The following INPP5F variants were observed in gnomAD, a reference collection of about 807,000 sequenced individuals.
INPP5F encodes the protein phosphatidylinositide 4-phosphatase SAC2.
Under a neutral mutation model 137.2 loss-of-function variants are expected in INPP5F, and 97 were observed. That is an observed-to-expected ratio of 0.71 (90% CI 0.60 to 0.84). The LOEUF is 0.84. Among genes scored for constraint, INPP5F ranks in the 40% least tolerant of loss-of-function variants. INPP5F has a pLI of 0.00. For synonymous variants in INPP5F, 504 were observed against 476.9 expected (o/e 1.06, Z -0.74); for missense variants, 1,271 against 1,371.9 (o/e 0.93, Z 1.16).
At chr10:119,785,535 C>CGAGAGAGAGA (rs59804262) in intron 3 of INPP5F, among the ~76,000 whole-genome samples, 7,684 of 93,488 alleles carry the variant, frequency 0.082, 902 homozygotes, top group Middle Eastern at 0.13. Context: ...GTGATCCGCT[C>CGAGAGAGAGA]GAGAGAGAGA....
Position 119,822,496 on chromosome 10 carries a change from T to C in INPP5F, c.2024T>C (p.Ile675Thr). Residue 675 changes from isoleucine (I) to threonine (T), a missense_variant, in exon 17 of 20, where the codon ATT (isoleucine) becomes ACT (threonine). Around this residue, in one of 6 missense-constraint regions of INPP5F, gnomAD observed 593 missense variants for 712.4 expected, o/e 0.83. Transcript: ENST00000650623. The part of the protein sequence containing the change: ...QRLSLENLEK[I>T]EIGPEPTLFG... ...CTAAGTCTAGAAAACCTGGAAAAAA[T>C]TGAAATAGGTAAGTTTTAACATACT... The C allele has an allele frequency of 6.8e-7, 1 of 1,476,596 alleles. No homozygotes were observed. Among genetic ancestry groups the C allele is most frequent in the Non-Finnish European group, 9.3e-7 (1 of 1,072,340 alleles). 91.5% of individuals were successfully genotyped at this position (1,476,596 alleles called of 1,614,324 possible). A position where few individuals can be genotyped will look rare whatever the true frequency, so the allele number is the denominator to read the frequency against.
At chr10:119,793,441 G>C (rs1472724054) in intron 6 of INPP5F, 1 of 148,334 alleles carries the variant, frequency 6.7e-6, no homozygotes. Context: ...AAACAAAACT[G>C]AGATAGGACC....
chr10:119,762,786 CTG>C (rs1398299130), intron 2 of INPP5F, among the ~76,000 whole-genome samples: 9 of 152,088 alleles, frequency 5.9e-5, no homozygotes. Context: ...TGAGGGGTGA[CTG>C]TATGAATTTG....
intron 19 of INPP5F, among the ~76,000 whole-genome samples, chr10:119,824,104 A>G (rs1432203803): frequency 6.6e-6 from 1 of 152,232 alleles, no homozygotes; most frequent in Non-Finnish European, 1.5e-5. Flanking sequence ...TTAGACTTAC[A>G]GAAGAGTTGC....
intron 9 of INPP5F, among the ~76,000 whole-genome samples, chr10:119,798,873 TTC>T (rs1216237775): frequency 5.3e-5 from 8 of 149,912 alleles, no homozygotes; most frequent in African/African-American, 1.7e-4. Context: ...TCAAGCAATC[TTC>T]TCTCCTCAGC....
At chr10:119,750,425 T>G (rs1388366501) in intron 1 of INPP5F, among the ~76,000 whole-genome samples, 2 of 152,200 alleles carry the variant, frequency 1.3e-5, no homozygotes, top group Non-Finnish European at 2.9e-5. Context: ...TGCTTCTCTC[T>G]TGTGTGTCTA....
intron 2 of INPP5F, among the ~76,000 whole-genome samples, chr10:119,760,793 C>G (rs1209445378): frequency 6.6e-6 from 1 of 152,172 alleles, no homozygotes; most frequent in Non-Finnish European, 1.5e-5. Flanking sequence ...AGCCTTGAAG[C>G]ATTTTTATGT....
intron 6 of INPP5F, among the ~76,000 whole-genome samples, chr10:119,796,040 T>C (rs1850367409): frequency 7.9e-6 from 1 of 126,946 alleles, no homozygotes; most frequent in Admixed American, 9.5e-5. Context: ...ACCGTCCAGC[T>C]TCGGCTGGGC....
At chr10:119,783,042 GA>G (rs1800607040) in intron 3 of INPP5F, among the ~76,000 whole-genome samples, 1 of 152,128 alleles carries the variant, frequency 6.6e-6, no homozygotes, top group African/African-American at 2.4e-5. Flanking sequence ...TACAGGAATC[GA>G]AAAAAGTTTG....
In INPP5F at chr10:119,798,535, C is replaced by G. The variant is rs1466655811; in HGVS notation, c.1049-8C>G. 1 of 1,605,570 alleles carries G rather than the reference C, an allele frequency of 6.2e-7. No homozygotes were observed. Among genetic ancestry groups the G allele is most frequent in the South Asian group, 1.1e-5 (1 of 90,002 alleles). On this transcript the variant is annotated splice_polypyrimidine_tract_variant and splice_region_variant and intron_variant, in intron 8 of 19. Transcript: ENST00000650623. ...AGGAAAAAAAGATTTTGTATCACTT[C>G]TTTGTAGGTGAAAAGGAAACTGTTG... is the stretch of plus-strand genomic sequence containing the variant.
chr10:119,746,610 A>G (rs1478933382), intron 1 of INPP5F, among the ~76,000 whole-genome samples: 1 of 152,238 alleles, frequency 6.6e-6, no homozygotes, highest in African/African-American at 2.4e-5. Flanking sequence ...ACTAAGGAAC[A>G]GCTTTGTAAG....
chr10:119,748,076 T>C lies in INPP5F; in HGVS notation c.98-3000T>C, dbSNP rs1222088797. Among the ~76,000 whole-genome samples, 1 of 152,184 alleles carries C rather than the reference T, an allele frequency of 6.6e-6. No individual in the cohort carries two copies. Among genetic ancestry groups the C allele is most frequent in the Non-Finnish European group, 1.5e-5 (1 of 68,024 alleles). On this transcript the variant is annotated intron_variant, in intron 1 of 19. Coordinates refer to ENST00000650623, the MANE Select transcript of INPP5F (RefSeq NM_014937.4). The surrounding 1 kb of genome is among the most constrained non-coding windows in gnomAD (Gnocchi z 4.7). ...GCTTGCACTACCAGCCCGGATCCCA[T>C]GCCTGCCAATGGCAAGCCAGGTGCG...
intron 6 of INPP5F, among the ~76,000 whole-genome samples, chr10:119,795,764 C>A (rs1163796593): frequency 6.6e-6 from 1 of 152,308 alleles, no homozygotes; most frequent in East Asian, 1.9e-4. Context: ...CGAGATCATG[C>A]CACTGCACTC....
In INPP5F at chr10:119,819,494, A is replaced by C. The variant is rs199937436; in HGVS notation, c.1887-1352A>C. On this transcript the variant is annotated intron_variant, in intron 15 of 19. Transcript: ENST00000650623. ...TTATTTCATATTAAAATGTGTCATG[A>C]CGTAATTTTTATGGCTTGGCTCAAG... 1,256 of 1,604,664 alleles carry C rather than the reference A, an allele frequency of 7.8e-4. 15 individuals carry two copies. The South Asian group carries it at 0.013, about 17-fold the overall frequency.
intron 1 of INPP5F, among the ~76,000 whole-genome samples, chr10:119,744,620 G>A (rs554930643): frequency 5.7e-4 from 86 of 152,058 alleles, no homozygotes; most frequent in African/African-American, 2.0e-3. Context: ...GGCACCATCA[G>A]AGCTCACTGC....
Position 119,823,176 on chromosome 10 carries a change from G to A in INPP5F, c.2138G>A (p.Arg713His), listed in dbSNP as rs1851628113. ...GYFHTLRAVM[R>H]NPEEDGKDTL... ...TTCCACACATTGCGAGCTGTAATGC[G>A]TAATCCTGAAGAGGATGGAAAAGGT... Residue 713 changes from arginine to histidine, a missense_variant, in exon 18 of 20, where the codon CGT becomes CAT. Transcript: ENST00000650623. 5.0e-6 allele frequency: 8 copies of A among 1,613,932 alleles called. No individual in the cohort carries two copies. Among genetic ancestry groups the A allele is most frequent in the Non-Finnish European group, 6.8e-6 (8 of 1,179,886 alleles).
At chr10:119,788,504 G>T (rs1006667452) in intron 3 of INPP5F, among the ~76,000 whole-genome samples, 2 of 152,134 alleles carry the variant, frequency 1.3e-5, no homozygotes, top group Non-Finnish European at 2.9e-5. Flanking sequence ...AGACAGCAGG[G>T]AGTGTTCTTT....
At chr10:119,794,240 C>G (rs1321784368) in intron 6 of INPP5F, among the ~76,000 whole-genome samples, 23 of 151,946 alleles carry the variant, frequency 1.5e-4, no homozygotes, top group Admixed American at 1.5e-3. Flanking sequence ...ATGCTGCCTT[C>G]AAGCATCTGT....
intron 1 of INPP5F, among the ~76,000 whole-genome samples, chr10:119,746,296 C>T (rs1307340970): frequency 2.0e-5 from 3 of 152,168 alleles, no homozygotes; most frequent in Admixed American, 6.5e-5. Flanking sequence ...CATGACTCTC[C>T]GTGACTGCTT....
Sources: gnomAD v4.1 joint callset for allele counts (sites outside exome capture counted in the v4.1 genomes callset) on GRCh38, gnomAD v4.1.1 for gene constraint, gnomAD v4.1.1 regional missense constraint, Gnocchi (gnomAD v3.1) non-coding constraint, MANE v1.5 for transcripts, NCBI Gene and HGNC (gene_info 2026-07-23, HGNC 2026-07-21) for gene names.